The following RIMS1 variants were observed in gnomAD, a reference collection of about 807,000 sequenced individuals.
The protein encoded by RIMS1 is regulating synaptic membrane exocytosis 1.
Under a neutral mutation model 214.1 loss-of-function variants are expected in RIMS1, and 83 were observed. The ratio of observed to expected loss-of-function variants is 0.39; its 90% CI spans 0.32 to 0.47. RIMS1 has a LOEUF of 0.47. RIMS1 is among the 20% of genes least tolerant of loss of function. The pLI is 0.99. For missense variants in RIMS1, 2,050 were observed against 2,161.8 expected (o/e 0.95, Z 1.03); for synonymous variants, 793 against 786.8 (o/e 1.01, Z -0.13).
At chr6:71,995,943 T>C (rs1312693514) in intron 2 of RIMS1, among the ~76,000 whole-genome samples, 2 of 152,106 alleles carry the variant, frequency 1.3e-5, no homozygotes, top group East Asian at 1.9e-4. Flanking sequence ...AGTGCCACCA[T>C]GCCTGGCTAA....
intron 2 of RIMS1, among the ~76,000 whole-genome samples, chr6:72,072,598 CATTT>C (rs1830819392): frequency 6.6e-6 from 1 of 152,130 alleles, no homozygotes. Flanking sequence ...GAACAACATT[CATTT>C]GTTATTCATT....
At chr6:72,198,320 G>A (rs1376574797) in intron 6 of RIMS1, among the ~76,000 whole-genome samples, 1 of 106,724 alleles carries the variant, frequency 9.4e-6, no homozygotes, top group African/African-American at 4.1e-5. Context: ...GGAACTGGAG[G>A]TTATTATGAA....
intron 29 of RIMS1, among the ~76,000 whole-genome samples, chr6:72,388,228 T>C (rs1391284676): frequency 1.3e-5 from 2 of 152,196 alleles, no homozygotes; most frequent in Non-Finnish European, 1.5e-5. Flanking sequence ...GGAGACAGCC[T>C]GTCTTGAAGC....
rs1339035089 is a variant in RIMS1 at position 72,176,507 on chromosome 6, T to C, written c.472-3068T>C. 6.6e-5 allele frequency among the ~76,000 whole-genome samples: 10 copies of C among 152,130 alleles called. No individual in the cohort carries two copies. The South Asian group carries it at 1.2e-3, about 19-fold the overall frequency. On this transcript the variant is annotated intron_variant, in intron 4 of 33. Transcript: ENST00000521978. The stretch of plus-strand genomic sequence containing the variant: ...GCAATTTATTTTTTATTTGTAAAAT[T>C]TGTGGTATGATTAATTTGTAGAACT...
intron 1 of RIMS1, among the ~76,000 whole-genome samples, chr6:71,901,216 G>A (rs950255181): frequency 2.6e-5 from 4 of 151,434 alleles, no homozygotes; most frequent in Non-Finnish European, 5.9e-5. Context: ...TTCTTAAAGA[G>A]TTTAGCGTGC....
At chr6:71,982,550 A>G (rs1024779619) in intron 2 of RIMS1, among the ~76,000 whole-genome samples, 1 of 152,074 alleles carries the variant, frequency 6.6e-6, no homozygotes, top group African/African-American at 2.4e-5. Flanking sequence ...TCTCTCATCT[A>G]TTTATGACAT....
chr6:72,002,478 G>C (rs1805595482), intron 2 of RIMS1, among the ~76,000 whole-genome samples: 1 of 152,148 alleles, frequency 6.6e-6, no homozygotes, highest in South Asian at 2.1e-4. Context: ...ACCTCAGTGG[G>C]ACTGGAGAGA....
intron 29 of RIMS1, among the ~76,000 whole-genome samples, chr6:72,337,475 T>A (rs2096880814): frequency 6.6e-6 from 1 of 151,882 alleles, no homozygotes; most frequent in Non-Finnish European, 1.5e-5. Context: ...CTAGAGCTTT[T>A]TCCATGCTCT....
chr6:72,258,158 C>A lies in RIMS1; in HGVS notation c.2804C>A (p.Ser935Tyr), dbSNP rs773603815. The A allele has an allele frequency of 1.2e-6, 2 of 1,613,016 alleles. No individual in the cohort carries two copies. The highest frequency in any genetic ancestry group is 3.3e-5 in the Admixed American group (2 of 59,864). The change falls in exon 17 of 34, where the codon TCT becomes TAT. Residue 935 changes from serine (S) to tyrosine (Y), a missense_variant. By Grantham distance (144) the Ser-to-Tyr change is moderately radical. Transcript: ENST00000521978. ...AGGTCTAGTGCTAGAGAAAGTAAATCTACAACATTAACTGTGCCAGAACAG... is the reference window on the plus strand; with the variant it reads ...AGGTCTAGTGCTAGAGAAAGTAAATATACAACATTAACTGTGCCAGAACAG... ...GYRSSARESK[S>Y]TTLTVPEQQR...
intron 3 of RIMS1, among the ~76,000 whole-genome samples, chr6:72,099,128 T>G (rs1037830514): frequency 5.3e-5 from 8 of 152,236 alleles, no homozygotes; most frequent in Non-Finnish European, 1.2e-4. Context: ...CACCCACAAC[T>G]GTTAAATGCT....
At chr6:72,080,784 C>T (rs1251783947) in intron 2 of RIMS1, among the ~76,000 whole-genome samples, 2 of 152,198 alleles carry the variant, frequency 1.3e-5, no homozygotes, top group Non-Finnish European at 2.9e-5. Context: ...GCTCCCTCAC[C>T]TCCTTCAGGT....
chr6:72,110,921 A>G (rs562588868), intron 4 of RIMS1, among the ~76,000 whole-genome samples: 22 of 152,132 alleles, frequency 1.4e-4, no homozygotes, highest in African/African-American at 4.8e-4. Context: ...AAAAGTTGTG[A>G]TCCTAAGATG....
chr6:72,216,613 T>C lies in RIMS1; in HGVS notation c.1679-17160T>C, dbSNP rs555585451. 1.8e-4 allele frequency: 174 copies of C among 985,582 alleles called. No homozygotes were observed. The African/African-American group carries it at 3.0e-3, about 17-fold the overall frequency. 61.1% of individuals were successfully genotyped at this position (985,582 alleles called of 1,614,324 possible). On this transcript the variant is annotated intron_variant, in intron 6 of 33. Transcript: ENST00000521978. ...GGCTTGGCAGGACCATTGCCAGTGA[T>C]TGATAATGGGACCAAATCATTTCAG...
chr6:71,922,840 A>T (rs1249747807), intron 1 of RIMS1, among the ~76,000 whole-genome samples: 1 of 152,198 alleles, frequency 6.6e-6, no homozygotes, highest in East Asian at 1.9e-4. Context: ...ACCTTGGAAA[A>T]GTCATCTTAT....
rs183132693 is a variant in RIMS1 at position 72,050,260 on chromosome 6, G to A, written c.246-46689G>A. The stretch of plus-strand genomic sequence containing the variant: ...TTGATTGACAACTCTCAACTCACAA[G>A]GACTAGACATCAAATTATTTGTTTT... On this transcript the variant is annotated intron_variant, in intron 2 of 33. Coordinates refer to ENST00000521978, the MANE Select transcript of RIMS1 (RefSeq NM_014989.7). Among the ~76,000 whole-genome samples, 402 of 152,220 alleles carry A rather than the reference G, an allele frequency of 2.6e-3. 4 individuals are homozygous for A. Among genetic ancestry groups the A allele is most frequent in the Non-Finnish European group, 2.4e-3 (160 of 68,024 alleles).
chr6:72,173,677 C>T (rs1209178041), intron 4 of RIMS1, among the ~76,000 whole-genome samples: 1 of 152,108 alleles, frequency 6.6e-6, no homozygotes, highest in African/African-American at 2.4e-5. Context: ...ACTCTTCCAA[C>T]ATTAATTCTT....
At chr6:72,317,692 C>A (rs939958667) in intron 28 of RIMS1, among the ~76,000 whole-genome samples, 1 of 152,062 alleles carries the variant, frequency 6.6e-6, no homozygotes, top group Non-Finnish European at 1.5e-5. Flanking sequence ...CAAAAGTAAT[C>A]CTTGGATTTT....
chr6:71,887,082 A>G lies in RIMS1; in HGVS notation c.59A>G (p.Gln20Arg), dbSNP rs897308364. 1 of 1,613,648 alleles carries G rather than the reference A, an allele frequency of 6.2e-7. No homozygotes were observed. Among genetic ancestry groups the G allele is most frequent in the Non-Finnish European group, 8.5e-7 (1 of 1,179,750 alleles). ...PRPPTVPPPM[Q>R]ELPDLSHLTE... ...CCACCCACGGTGCCTCCCCCCATGC[A>G]AGAGCTGCCCGACCTGAGCCACCTG... Residue 20 changes from glutamine (Q) to arginine (R), a missense_variant, in exon 1 of 34, where the codon CAA (glutamine) becomes CGA (arginine). Around this residue, in one of 6 missense-constraint regions of RIMS1, gnomAD observed 882 missense variants for 828.9 expected, o/e 1.06. Coordinates refer to ENST00000521978, the MANE Select transcript of RIMS1 (RefSeq NM_014989.7).
At chr6:72,087,880 T>C (rs1369660065) in intron 2 of RIMS1, among the ~76,000 whole-genome samples, 2 of 152,252 alleles carry the variant, frequency 1.3e-5, no homozygotes, top group African/African-American at 4.8e-5. Context: ...ACCCATCAAA[T>C]GGAAACTTTG....
Sources: gnomAD v4.1 joint callset for allele counts (sites outside exome capture counted in the v4.1 genomes callset) on GRCh38, gnomAD v4.1.1 for gene constraint, gnomAD v4.1.1 regional missense constraint, MANE v1.5 for transcripts, NCBI Gene and HGNC (gene_info 2026-07-23, HGNC 2026-07-21) for gene names.